Variants in PAN3 observed in about 807,000 individuals in gnomAD.
PAN3 encodes PAN2-PAN3 deadenylation complex subunit PAN3.
In PAN3, 19 loss-of-function variants were observed where a neutral mutation model predicts 96.2. The ratio of observed to expected loss-of-function variants is 0.20; its 90% CI spans 0.14 to 0.29. The LOEUF (loss-of-function observed/expected upper bound fraction) is 0.29, where lower values mean the gene tolerates loss of function less well. Among genes scored for constraint, PAN3 ranks in the 10% least tolerant of loss-of-function variants. PAN3 has a pLI of 1.00. For missense variants in PAN3, 882 were observed against 1,108.1 expected (o/e 0.80, Z 2.90); for synonymous variants, 433 against 406.6 (o/e 1.06, Z -0.78).
In PAN3 at chr13:28,267,207, G is replaced by A. The variant is rs1886253309; in HGVS notation, c.1686G>A (p.Glu562=). 4.3e-6 allele frequency: 7 copies of A among 1,612,904 alleles called. No homozygotes were observed. Among genetic ancestry groups the A allele is most frequent in the Non-Finnish European group, 5.9e-6 (7 of 1,179,014 alleles). ...TATTTACCACTAAAGCATTTGCTGA[G>A]CCCTGTGAGTAACTTGTAATTTGTC... ...REVFTTKAFA[E]PSLVFAYDFH... Residue 562 remains glutamate (E), a synonymous_variant, in exon 11 of 19, where the codon GAG becomes GAA. Coordinates refer to ENST00000380958, the MANE Select transcript of PAN3 (RefSeq NM_175854.8).
At chr13:28,284,381 A>ATTT (rs71086842) in intron 17 of PAN3, among the ~76,000 whole-genome samples, 3 of 132,632 alleles carry the variant, frequency 2.3e-5, no homozygotes, top group African/African-American at 5.5e-5. Flanking sequence ...TCTTTTTGTG[A>ATTT]TTTTTTTTTT....
intron 1 of PAN3, among the ~76,000 whole-genome samples, chr13:28,161,122 A>G (rs779714485): frequency 1.2e-4 from 18 of 152,220 alleles, no homozygotes; most frequent in Non-Finnish European, 2.2e-4. Context: ...GTTTGACTGA[A>G]ATATTTTTAT....
At chr13:28,139,397 G>A (rs1869308794) in intron 1 of PAN3, among the ~76,000 whole-genome samples, 1 of 150,570 alleles carries the variant, frequency 6.6e-6, no homozygotes, top group Non-Finnish European at 1.5e-5. Flanking sequence ...GTGAGAAAGG[G>A]GGTGTCGTTT....
At chr13:28,258,021 G>C (rs916786572) in intron 7 of PAN3, among the ~76,000 whole-genome samples, 1 of 151,760 alleles carries the variant, frequency 6.6e-6, no homozygotes, top group Non-Finnish European at 1.5e-5. Context: ...CAGTTGATCA[G>C]TTGGCCAGGC....
chr13:28,156,518 C>CA, intron 1 of PAN3, among the ~76,000 whole-genome samples: 1 of 152,070 alleles, frequency 6.6e-6, no homozygotes, highest in African/African-American at 2.4e-5. Flanking sequence ...TGAAACTATT[C>CA]AAAAAAATGG....
chr13:28,187,159 T>C (rs1458865330), intron 4 of PAN3, among the ~76,000 whole-genome samples: 1 of 151,660 alleles, frequency 6.6e-6, no homozygotes, highest in Non-Finnish European at 1.5e-5. Context: ...AAACACTGTC[T>C]CTACAAAAAA....
In PAN3 at chr13:28,267,078, G is replaced by C. The variant is rs1886245940; in HGVS notation, c.1574-17G>C. 6.3e-7 allele frequency: 1 copy of C among 1,580,584 alleles called. No individual in the cohort carries two copies. Among genetic ancestry groups the C allele is most frequent in the Non-Finnish European group, 8.6e-7 (1 of 1,158,998 alleles). ...ACGTCAATTAGAGTTTACTGGAGTA[G>C]AAAAATTGTCTTCCAGGTTTTCGTC... On this transcript the variant is annotated splice_polypyrimidine_tract_variant and intron_variant, in intron 10 of 18. Coordinates refer to ENST00000380958, the MANE Select transcript of PAN3 (RefSeq NM_175854.8).
At chr13:28,220,144 A>G in intron 5 of PAN3, 87 bp from the exon 6 acceptor site, 1 of 1,280,734 alleles carries the variant, frequency 7.8e-7, no homozygotes, top group Non-Finnish European at 1.1e-6. Flanking sequence ...TACTTAGTAA[A>G]TAAAGCACTG....
chr13:28,236,844 G>A (rs1021351311), intron 6 of PAN3, among the ~76,000 whole-genome samples: 4 of 152,134 alleles, frequency 2.6e-5, no homozygotes, highest in Non-Finnish European at 4.4e-5. Context: ...GGACTCAAGC[G>A]ATCCTCCTGC....
At chr13:28,179,051 A>G (rs1030018899) in intron 4 of PAN3, among the ~76,000 whole-genome samples, 2 of 152,228 alleles carry the variant, frequency 1.3e-5, no homozygotes, top group African/African-American at 4.8e-5. Flanking sequence ...TTCCATTTTG[A>G]GACATGGATG....
intron 5 of PAN3, among the ~76,000 whole-genome samples, chr13:28,210,625 T>C (rs1424458920): frequency 6.6e-6 from 1 of 152,296 alleles, no homozygotes; most frequent in East Asian, 1.9e-4. Context: ...AATTAAACTT[T>C]GCAGGTTTTA....
chr13:28,292,397 C>T lies in PAN3; in HGVS notation c.2539C>T (p.Pro847Ser). ...ATTGTTTCAGCTAGATGCTGGTGTG[C>T]CAGAAAAAATAAGCCTGATTTCCAG... Reference protein sequence around the residue: ...SCLNKLDAGVPEKISLISRDE... With the variant: ...SCLNKLDAGVSEKISLISRDE... The change falls in exon 19 of 19, where the codon CCA becomes TCA. Residue 847 changes from proline to serine, a missense_variant. Physicochemically the swap from Pro to Ser is moderately conservative, Grantham distance 74. Transcript: ENST00000380958. The T allele has an allele frequency of 6.2e-7, 1 of 1,602,654 alleles. No individual in the cohort carries two copies. The highest frequency in any genetic ancestry group is 1.3e-5 in the African/African-American group (1 of 74,706).
At chr13:28,222,869 A>G (rs1013507805) in intron 6 of PAN3, among the ~76,000 whole-genome samples, 9 of 152,200 alleles carry the variant, frequency 5.9e-5, no homozygotes, top group Non-Finnish European at 1.3e-4. Context: ...GTATCAAATT[A>G]CTATAAAATA....
chr13:28,152,683 C>A (rs1050871314), intron 1 of PAN3, among the ~76,000 whole-genome samples: 1 of 152,086 alleles, frequency 6.6e-6, no homozygotes, highest in African/African-American at 2.4e-5. Flanking sequence ...TAATTAGCTA[C>A]CTTTGTATGG....
chr13:28,286,932 TCTC>T (rs964702359), intron 17 of PAN3, among the ~76,000 whole-genome samples: 55 of 152,246 alleles, frequency 3.6e-4, no homozygotes, highest in Middle Eastern at 3.4e-3. Context: ...CCTACCTACT[TCTC>T]ATCCTGGCGT....
Position 28,220,372 on chromosome 13 carries a change from G to A in PAN3, c.994G>A (p.Ala332Thr). Residue 332 changes from alanine to threonine, a missense_variant, in exon 6 of 19, where the codon GCG becomes ACG. Ala to Thr is a moderately conservative substitution (Grantham distance 58). Coordinates refer to ENST00000380958, the MANE Select transcript of PAN3 (RefSeq NM_175854.8). ...SMGSPATAGL[A>T]PGMSLSAGSS... ...GGGAAGCCCTGCTACTGCTGGATTAGCGCCAGGTAAGTTGAGTAACTATTT... is the reference window on the plus strand; with the variant it reads ...GGGAAGCCCTGCTACTGCTGGATTAACGCCAGGTAAGTTGAGTAACTATTT... 3 of 1,613,358 alleles carry A rather than the reference G, an allele frequency of 1.9e-6. No individual in the cohort carries two copies. The highest frequency in any genetic ancestry group is 2.5e-6 in the Non-Finnish European group (3 of 1,179,554).
intron 5 of PAN3, among the ~76,000 whole-genome samples, chr13:28,207,462 T>A (rs1386153672): frequency 1.3e-5 from 2 of 152,200 alleles, no homozygotes; most frequent in African/African-American, 4.8e-5. Flanking sequence ...AAATCCCTTA[T>A]GAAGGCATCC....
chr13:28,260,598 T>A, intron 8 of PAN3, 47 bp downstream of exon 8: 2 of 1,410,328 alleles, frequency 1.4e-6, no homozygotes, highest in Non-Finnish European at 2.0e-6. Context: ...TCTCCTGTGC[T>A]TTAGTGAACA....
At position 28,138,615 on chromosome 13, in the gene PAN3, C is replaced by T. The variant is rs981203327; in HGVS notation, c.-43C>T. On this transcript the variant is annotated 5_prime_UTR_variant, in exon 1 of 19. Coordinates refer to ENST00000380958, the MANE Select transcript of PAN3 (RefSeq NM_175854.8). The stretch of plus-strand genomic sequence containing the variant: ...CCCCCGTCTATGGTGGTGGCGGCGG[C>T]GGCTCCTCGGGCGGCGGCGGAAGAC... The T allele has an allele frequency of 1.2e-5, 6 of 493,940 alleles. No individual in the cohort carries two copies. Among genetic ancestry groups the T allele is most frequent in the African/African-American group, 8.1e-5 (4 of 49,168 alleles). The allele number at this position is 493,940 out of a possible 1,614,324, so 30.6% of individuals were successfully genotyped here.
Sources: gnomAD v4.1 joint callset for allele counts (sites outside exome capture counted in the v4.1 genomes callset) on GRCh38, gnomAD v4.1.1 for gene constraint, MANE v1.5 for transcripts, NCBI Gene and HGNC (gene_info 2026-07-23, HGNC 2026-07-21) for gene names.